The following PDZD2 variants were observed in gnomAD, a reference collection of about 807,000 sequenced individuals.
The protein encoded by PDZD2 is PDZ domain-containing protein 2.
Under a neutral mutation model 220.7 loss-of-function variants are expected in PDZD2, and 90 were observed. That is an observed-to-expected ratio of 0.41 (90% CI 0.34 to 0.49). PDZD2 has a LOEUF of 0.49. Ranked by LOEUF, PDZD2 falls within the 20% of genes least tolerant of loss-of-function variation. PDZD2 has a pLI of 0.28. For synonymous variants in PDZD2, 1,375 were observed against 1,450.5 expected (o/e 0.95, Z 1.18); for missense variants, 3,174 against 3,608.5 (o/e 0.88, Z 3.08).
At chr5:31,887,033 A>C (rs1304731312) in intron 2 of PDZD2, among the ~76,000 whole-genome samples, 1 of 152,144 alleles carries the variant, frequency 6.6e-6, no homozygotes, top group Non-Finnish European at 1.5e-5. Context: ...CCTGGGTGCA[A>C]GAACCAGTGC....
At chr5:32,003,422 C>A (rs867305474) in intron 5 of PDZD2, among the ~76,000 whole-genome samples, 36 of 26,200 alleles carry the variant, frequency 1.4e-3, no homozygotes, top group South Asian at 2.3e-3. Flanking sequence ...ACACACACAC[C>A]CCCCCCACAC....
intron 1 of PDZD2, among the ~76,000 whole-genome samples, chr5:31,782,719 T>C (rs1432291716): frequency 1.4e-5 from 2 of 148,124 alleles, no homozygotes; most frequent in East Asian, 3.9e-4. Context: ...TTTTTTTTTT[T>C]TTTTTTTTTT....
chr5:31,685,834 A>G lies in PDZD2; in HGVS notation c.-361+46397A>G, dbSNP rs116537366. The stretch of plus-strand genomic sequence containing the variant: ...CCGCACCCAGCCCATATTATTTTCA[A>G]ACAAATCCCAGACATCGTCATTTAT... On this transcript the variant is annotated intron_variant, in intron 1 of 24. Coordinates refer to ENST00000438447, the MANE Select transcript of PDZD2 (RefSeq NM_178140.4). 3.9e-3 allele frequency among the ~76,000 whole-genome samples: 594 copies of G among 152,180 alleles called. 7 individuals are homozygous for G. Among genetic ancestry groups the G allele is most frequent in the African/African-American group, 0.014 (578 of 41,508 alleles).
intron 2 of PDZD2, among the ~76,000 whole-genome samples, chr5:31,874,365 C>T (rs184185171): frequency 1.2e-4 from 19 of 152,168 alleles, no homozygotes; most frequent in Middle Eastern, 3.4e-3. Flanking sequence ...GTTTATGTTA[C>T]GTGTTTTGAA....
chr5:31,799,418 T>C lies in PDZD2; in HGVS notation c.170T>C (p.Val57Ala). The C allele has an allele frequency of 6.8e-6, 11 of 1,614,142 alleles. No individual in the cohort carries two copies. Among genetic ancestry groups the C allele is most frequent in the Non-Finnish European group, 9.3e-6 (11 of 1,180,018 alleles). Residue 57 changes from valine (V) to alanine (A), a missense_variant, in exon 2 of 25, where the codon GTC becomes GCC. This residue lies in a region of PDZD2 where 632 missense variants were observed against 708.1 expected (regional missense o/e 0.89). Coordinates refer to ENST00000438447, the MANE Select transcript of PDZD2 (RefSeq NM_178140.4). Reference sequence around the variant, plus strand: ...AACTTTGCTGTGGATGAGAGTACGGTCCCACCTGATCACAGCCCCCCCGAA... The same window carrying C: ...AACTTTGCTGTGGATGAGAGTACGGCCCCACCTGATCACAGCCCCCCCGAA... ...QLNFAVDEST[V>A]PPDHSPPEME...
chr5:32,085,058 G>A (rs951796274), intron 19 of PDZD2, among the ~76,000 whole-genome samples: 4 of 144,624 alleles, frequency 2.8e-5, no homozygotes, highest in South Asian at 2.3e-4. Context: ...GGGTTCAAGC[G>A]AATCTCGTGC....
chr5:32,039,432 A>G (rs1042767823), intron 7 of PDZD2, among the ~76,000 whole-genome samples: 2 of 149,962 alleles, frequency 1.3e-5, no homozygotes, highest in Admixed American at 1.4e-4. Context: ...GCTGGAATGC[A>G]GTGGCGTAAT....
rs554832169 is a variant in PDZD2, at chr5:31,868,457, A to G, written c.476+68733A>G. Reference sequence around the variant, plus strand: ...CGAGACTCCATCTCAAAATAAATAAATAAATGCAGCTGTCCCGCGTGAGTT... The same window carrying G: ...CGAGACTCCATCTCAAAATAAATAAGTAAATGCAGCTGTCCCGCGTGAGTT... On this transcript the variant is annotated intron_variant, in intron 2 of 24. Transcript: ENST00000438447. Among the ~76,000 whole-genome samples the G allele has an allele frequency of 1.5e-4, 23 of 152,226 alleles. No homozygotes were observed. In the South Asian group the frequency reaches 4.2e-3, roughly 27 times the overall value.
At position 31,639,138 on chromosome 5, in the gene PDZD2, G is replaced by C. The variant is rs1047343710; in HGVS notation, c.-660G>C. On this transcript the variant is annotated 5_prime_UTR_variant, in exon 1 of 25. Coordinates refer to ENST00000438447, the MANE Select transcript of PDZD2 (RefSeq NM_178140.4). The surrounding 1 kb of genome is among the most constrained non-coding windows in gnomAD (Gnocchi z 4.1). ...GAATCCCCGCCCATCCTGGAGGCTC[G>C]GCGGATCCCCTGCGCAGCGAGGCGA... Among the ~76,000 whole-genome samples the C allele has an allele frequency of 4.6e-5, 7 of 152,096 alleles. No homozygotes were observed. Among genetic ancestry groups the C allele is most frequent in the Non-Finnish European group, 7.4e-5 (5 of 67,996 alleles).
chr5:31,911,170 A>G (rs1422249788), intron 2 of PDZD2, among the ~76,000 whole-genome samples: 1 of 152,242 alleles, frequency 6.6e-6, no homozygotes, highest in Non-Finnish European at 1.5e-5. Flanking sequence ...AAGCCAAATC[A>G]ATTTGTGATG....
chr5:32,005,083 A>G (rs73072233), intron 5 of PDZD2, among the ~76,000 whole-genome samples: 12,608 of 152,252 alleles, frequency 0.083, 1,079 homozygotes, highest in African/African-American at 0.22. Flanking sequence ...AAAAGATAGC[A>G]GCCTTCATGT....
rs577959966 is a variant in PDZD2 at position 32,015,188 on chromosome 5, C to T, written c.1407+4706C>T. ...AACTCCTGACCTCAGGTGATCTGCC[C>T]GCTTCAGCCTCCCAAAGTGCTGGGA... is the stretch of plus-strand genomic sequence containing the variant. On this transcript the variant is annotated intron_variant, in intron 6 of 24. Coordinates refer to ENST00000438447, the MANE Select transcript of PDZD2 (RefSeq NM_178140.4). Among the ~76,000 whole-genome samples the T allele has an allele frequency of 6.0e-4, 91 of 152,058 alleles. 1 individual carries two copies. Among genetic ancestry groups the T allele is most frequent in the African/African-American group, 2.1e-3 (87 of 41,490 alleles).
intron 1 of PDZD2, among the ~76,000 whole-genome samples, chr5:31,708,837 A>C (rs1179919307): frequency 6.6e-6 from 1 of 151,202 alleles, no homozygotes; most frequent in Non-Finnish European, 1.5e-5. Flanking sequence ...TTTCTTTGCA[A>C]CTTGGATCTT....
At chr5:31,766,674 G>C (rs1185920277) in intron 1 of PDZD2, among the ~76,000 whole-genome samples, 1 of 151,854 alleles carries the variant, frequency 6.6e-6, no homozygotes, top group Non-Finnish European at 1.5e-5. Flanking sequence ...TTACAGGTGT[G>C]AGCCACAGCA....
intron 2 of PDZD2, among the ~76,000 whole-genome samples, chr5:31,882,178 G>A (rs564805816): frequency 1.1e-4 from 16 of 152,244 alleles, no homozygotes; most frequent in Non-Finnish European, 1.6e-4. Context: ...TGCATACATC[G>A]ACACTAATCC....
chr5:31,828,740 A>G (rs1331400217), intron 2 of PDZD2, among the ~76,000 whole-genome samples: 1 of 152,240 alleles, frequency 6.6e-6, no homozygotes, highest in Middle Eastern at 3.2e-3. Context: ...GCCTCAAGCC[A>G]TCTTCATGCC....
rs112905475 is a variant in PDZD2 at position 31,652,749 on chromosome 5, G to C, written c.-361+13312G>C. On this transcript the variant is annotated intron_variant, in intron 1 of 24. Coordinates refer to ENST00000438447, the MANE Select transcript of PDZD2 (RefSeq NM_178140.4). ...ATAGTGGCCAGGCGCAGTGGCTCAC[G>C]CCTGTAATCCCAGCACTTTGGGAGG... Among the ~76,000 whole-genome samples the C allele has an allele frequency of 9.5e-3, 1,439 of 152,274 alleles. 10 individuals carry two copies. The highest frequency in any genetic ancestry group is 0.054 in the Middle Eastern group (16 of 294).
chr5:31,948,833 T>G (rs138419549), intron 2 of PDZD2, among the ~76,000 whole-genome samples: 1 of 152,094 alleles, frequency 6.6e-6, no homozygotes, highest in Non-Finnish European at 1.5e-5. Context: ...GTGTGGTGGC[T>G]CATGCCTGTA....
chr5:31,778,552 C>T (rs1752855136), intron 1 of PDZD2, among the ~76,000 whole-genome samples: 1 of 152,150 alleles, frequency 6.6e-6, no homozygotes. Flanking sequence ...GTAACACTCA[C>T]CATGAAGGTC....
Sources: allele counts gnomAD v4.1 joint callset (sites outside exome capture counted in the v4.1 genomes callset), GRCh38; gene constraint gnomAD v4.1.1; regional missense constraint gnomAD v4.1.1; non-coding constraint Gnocchi (gnomAD v3.1); transcripts MANE v1.5; gene names NCBI Gene and HGNC (gene_info 2026-07-23, HGNC 2026-07-21).